The following COL9A1 variants were observed in gnomAD, a reference collection of about 807,000 sequenced individuals.
The protein encoded by COL9A1 is collagen type IX alpha 1 chain.
A neutral mutation model predicts 142.6 loss-of-function variants in COL9A1; 104 were observed. The ratio of observed to expected loss-of-function variants is 0.73; its 90% confidence interval spans 0.62 to 0.86. COL9A1 has a LOEUF of 0.86. Ranked by LOEUF, COL9A1 falls within the 40% of genes least tolerant of loss-of-function variation. The pLI is 0.00. For missense variants in COL9A1, 1,210 were observed against 1,176.6 expected (o/e 1.03, Z -0.42); for synonymous variants, 466 against 396.0 (o/e 1.18, Z -2.10).
At chr6:70,217,161 G>T (rs1036983623) in intron 37 of COL9A1, 80 bp from the exon 38 acceptor site, 2 of 1,412,976 alleles carry the variant, frequency 1.4e-6, no homozygotes, top group Admixed American at 1.7e-5. Context: ...GCTCAGCAGC[G>T]CTCAGATAAG....
At chr6:70,272,984 T>G (rs1241369190) in intron 12 of COL9A1, among the ~76,000 whole-genome samples, 1 of 152,188 alleles carries the variant, frequency 6.6e-6, no homozygotes, top group Non-Finnish European at 1.5e-5. Flanking sequence ...CACAGCTGTC[T>G]GTGATATGAT....
chr6:70,230,917 C>T (rs1034485655), intron 36 of COL9A1, among the ~76,000 whole-genome samples: 1 of 152,180 alleles, frequency 6.6e-6, no homozygotes, highest in African/African-American at 2.4e-5. Context: ...CTGTTACTAG[C>T]TCAAACAAAG....
At chr6:70,279,219 A>G (rs989091009) in intron 10 of COL9A1, among the ~76,000 whole-genome samples, 1 of 152,084 alleles carries the variant, frequency 6.6e-6, no homozygotes, top group Non-Finnish European at 1.5e-5. Flanking sequence ...AATTTGTCAG[A>G]CTCTTTTTAT....
At position 70,281,010 on chromosome 6, in the gene COL9A1, G is replaced by C; in HGVS notation, c.906C>G (p.Gly302=). The C allele has an allele frequency of 6.2e-7, 1 of 1,613,262 alleles. No individual in the cohort carries two copies. The highest frequency in any genetic ancestry group is 8.5e-7 in the Non-Finnish European group (1 of 1,179,678). The change falls in exon 9 of 38, where the codon GGC becomes GGG. Residue 302 remains glycine, a synonymous_variant. Coordinates refer to ENST00000357250, the MANE Select transcript of COL9A1 (RefSeq NM_001851.6). ...TATGCTCCAATCAACTTACCGGGGG[G>C]CCCGGGGGGCCCTTAGGACCTCGGT... ...DGDRGPKGPP[G]PPGPAGEPGK... is the part of the protein sequence containing the mutation.
At chr6:70,293,645 ACACACAC>A (rs1773738000) in intron 5 of COL9A1, among the ~76,000 whole-genome samples, 1 of 147,846 alleles carries the variant, frequency 6.8e-6, no homozygotes, top group Admixed American at 6.7e-5. Flanking sequence ...ACACACACAC[ACACACAC>A]ACACACACAC....
At chr6:70,281,597 C>A (rs1773172539) in intron 7 of COL9A1, 133 bp from the exon 8 acceptor site, 1 of 637,476 alleles carries the variant, frequency 1.6e-6, no homozygotes, top group Non-Finnish European at 2.7e-6. Context: ...TGCAACCCAA[C>A]GCAAAAATGT....
chr6:70,277,089 A>G lies in COL9A1; in HGVS notation c.976-2317T>C, dbSNP rs1772809223. Among the ~76,000 whole-genome samples the G allele has an allele frequency of 4.6e-5, 7 of 152,364 alleles. No individual in the cohort carries two copies. In the South Asian group the frequency reaches 1.4e-3, roughly 32 times the overall value. ...AGTTGTATACATTCAGAAAATACAT[A>G]GCACCTAACCTCTGCCTGTAAAAAT... On this transcript the variant is annotated intron_variant, in intron 10 of 37. Coordinates refer to ENST00000357250, the MANE Select transcript of COL9A1 (RefSeq NM_001851.6).
chr6:70,227,908 T>C (rs1048920871), intron 36 of COL9A1, among the ~76,000 whole-genome samples: 2 of 152,058 alleles, frequency 1.3e-5, no homozygotes, highest in Non-Finnish European at 2.9e-5. Context: ...GATTCATTTT[T>C]AAAAGGATGT....
intron 1 of COL9A1, 38 bp downstream of exon 1, chr6:70,302,873 C>G (rs754340891): frequency 6.2e-7 from 1 of 1,612,224 alleles, no homozygotes; most frequent in Admixed American, 1.7e-5. Context: ...ACCCCCAGCT[C>G]CATCTCCCCA....
In COL9A1 at chr6:70,281,013, C is replaced by T. The variant is rs267601106; in HGVS notation, c.903G>A (p.Pro301=). The change falls in exon 9 of 38, where the codon CCG becomes CCA. Residue 301 remains proline, a synonymous_variant. Transcript: ENST00000357250. ...GCTCCAATCAACTTACCGGGGGGCC[C>T]GGGGGGCCCTTAGGACCTCGGTCAC... The part of the protein sequence containing the change: ...IDGDRGPKGP[P]GPPGPAGEPG... The T allele has an allele frequency of 2.5e-6, 4 of 1,613,204 alleles. No homozygotes were observed. The highest frequency in any genetic ancestry group is 1.3e-5 in the African/African-American group (1 of 74,830).
In COL9A1 at chr6:70,281,419, G is replaced by C. The variant is rs1038310229; in HGVS notation, c.847C>G (p.Pro283Ala). ...ATGCCATCGATGCCTGGAACTCCAG[G>C]GGGGCCCGGAGGCCCGGGAGGACCC... ...EQGPPGPPGP[P>A]GVPGIDGIDG... is the part of the protein sequence containing the mutation. Residue 283 changes from proline to alanine, a missense_variant, in exon 8 of 38, where the codon CCT (proline) becomes GCT (alanine). Physicochemically the swap from Pro to Ala is conservative, Grantham distance 27. Coordinates refer to ENST00000357250, the MANE Select transcript of COL9A1 (RefSeq NM_001851.6). 3.1e-6 allele frequency: 5 copies of C among 1,613,646 alleles called. No homozygotes were observed. The highest frequency in any genetic ancestry group is 2.5e-6 in the Non-Finnish European group (3 of 1,179,942).
chr6:70,297,169 A>C (rs1773876069), intron 4 of COL9A1, among the ~76,000 whole-genome samples: 2 of 152,130 alleles, frequency 1.3e-5, no homozygotes, highest in Non-Finnish European at 2.9e-5. Context: ...GTCTTAATTT[A>C]TCTCTGACTT....
intron 5 of COL9A1, among the ~76,000 whole-genome samples, chr6:70,292,883 C>G (rs1773707910): frequency 6.6e-6 from 1 of 152,148 alleles, no homozygotes; most frequent in African/African-American, 2.4e-5. Context: ...AACTCAGCCA[C>G]TTGAGGTGTG....
Position 70,274,062 on chromosome 6 carries a change from T to C in COL9A1, c.1050A>G (p.Gly350=). ...ATTTACTTACTGGAAATCCACGCGA[T>C]CCAGGCACACCAGGTTCTCCCTAAA... ...KGQKGEPGVP[G]SRGFPGRGIP... Residue 350 remains glycine, a synonymous_variant, in exon 12 of 38, where the codon GGA becomes GGG. Transcript: ENST00000357250. 6.4e-7 allele frequency: 1 copy of C among 1,574,724 alleles called. No individual in the cohort carries two copies. The highest frequency in any genetic ancestry group is 8.6e-7 in the Non-Finnish European group (1 of 1,158,088).
intron 4 of COL9A1, among the ~76,000 whole-genome samples, chr6:70,296,395 T>C (rs16868977): frequency 0.17 from 26,256 of 152,030 alleles, 3,276 homozygotes; most frequent in East Asian, 0.46. Context: ...CCCTCAAGTG[T>C]ACATTTTAAA....
At chr6:70,279,988 T>C in intron 10 of COL9A1, 1 of 697,220 alleles carries the variant, frequency 1.4e-6, no homozygotes. Flanking sequence ...CACTTCATAT[T>C]CCAGGGACAA....
intron 30 of COL9A1, 98 bp from the exon 31 acceptor site, chr6:70,241,552 T>C: frequency 1.0e-6 from 1 of 989,498 alleles, no homozygotes; most frequent in South Asian, 1.3e-5. Context: ...CAAGTACGGA[T>C]AATGTGATGG....
rs115770459 is a variant in COL9A1, at chr6:70,293,798, C to T, written c.696+369G>A. ...TAATGTACTTTCTCCTCTCTTTTTGCCAATCCAAATCCTTTCATTTCAAAG... is the reference window on the plus strand; with the variant it reads ...TAATGTACTTTCTCCTCTCTTTTTGTCAATCCAAATCCTTTCATTTCAAAG... On this transcript the variant is annotated intron_variant, in intron 5 of 37. Transcript: ENST00000357250. Among the ~76,000 whole-genome samples the T allele has an allele frequency of 6.7e-3, 1,023 of 152,130 alleles. 15 individuals carry two copies. Among genetic ancestry groups the T allele is most frequent in the African/African-American group, 0.023 (948 of 41,500 alleles).
chr6:70,234,763 AG>A, intron 34 of COL9A1, 30 bp downstream of exon 34: 1 of 1,613,986 alleles, frequency 6.2e-7, no homozygotes, highest in Non-Finnish European at 8.5e-7. Context: ...GAGTCTCCAA[AG>A]GGAAACCACA....
Sources: gnomAD v4.1 joint callset for allele counts (sites outside exome capture counted in the v4.1 genomes callset) on GRCh38, gnomAD v4.1.1 for gene constraint, MANE v1.5 for transcripts, NCBI Gene and HGNC (gene_info 2026-07-23, HGNC 2026-07-21) for gene names.